Variants in ACSL6 observed in about 807,000 individuals in gnomAD.
ACSL6 encodes acyl-CoA synthetase long chain family member 6.
A neutral mutation model predicts 98.2 loss-of-function variants in ACSL6; 47 were observed. The observed-to-expected ratio is 0.48, with a 90% CI of 0.38 to 0.61. The LOEUF (loss-of-function observed/expected upper bound fraction) is 0.61. ACSL6 is among the 20% of genes least tolerant of loss of function. The pLI is 0.00. For synonymous variants in ACSL6, 362 were observed against 336.9 expected, an observed-to-expected ratio of 1.07 and a Z score of -0.82; for missense variants, 761 against 913.4, an observed-to-expected ratio of 0.83 and a Z score of 2.15.
rs1255303336 is a variant in ACSL6, at chr5:131,988,893, C to G, written c.564G>C (p.Val188=). The G allele has an allele frequency of 6.2e-7, 1 of 1,605,344 alleles. No individual in the cohort carries two copies. Among genetic ancestry groups the G allele is most frequent in the African/African-American group, 1.3e-5 (1 of 74,416 alleles). The change falls in exon 6 of 21, where the codon GTG becomes GTC. Residue 188 remains valine, a synonymous_variant. Transcript: ENST00000651883. The stretch of plus-strand genomic sequence containing the variant: ...TGGAATATGTGTAGCAGGCCAGCTC[C>G]ACAATGATCCACTGTGGAGACACAT... The part of the protein sequence containing the change: ...FAQNRPEWII[V]ELACYTYSMV...
intron 2 of ACSL6, among the ~76,000 whole-genome samples, chr5:131,991,361 C>T (rs1412633476): frequency 6.6e-6 from 1 of 152,166 alleles, no homozygotes; most frequent in Non-Finnish European, 1.5e-5. Context: ...AACAACCTGC[C>T]AAGGTATCTC....
intron 1 of ACSL6, chr5:132,003,812 G>C (rs1755226202): frequency 6.6e-6 from 1 of 152,202 alleles, no homozygotes; most frequent in Non-Finnish European, 1.5e-5. Flanking sequence ...AAAGCACTAC[G>C]TAAGTTCGGG....
chr5:131,985,583 G>A, intron 8 of ACSL6, 125 bp from the exon 9 acceptor site: 1 of 954,540 alleles, frequency 1.0e-6, no homozygotes, highest in South Asian at 1.4e-5. Flanking sequence ...GCATGTGTTG[G>A]GCACGCCTGC....
intron 7 of ACSL6, among the ~76,000 whole-genome samples, chr5:131,987,844 G>A (rs1314632351): frequency 6.6e-6 from 1 of 152,116 alleles, no homozygotes; most frequent in Non-Finnish European, 1.5e-5. Flanking sequence ...TCCAGCCACG[G>A]AGCCTATCTC....
intron 19 of ACSL6, chr5:131,959,873 C>G (rs1430357938): frequency 2.1e-6 from 1 of 487,470 alleles, no homozygotes; most frequent in Non-Finnish European, 3.7e-6. Context: ...TTTGGTCAGC[C>G]TGGTGAGTCT....
intron 13 of ACSL6, among the ~76,000 whole-genome samples, chr5:131,972,504 G>GC (rs1753366086): frequency 6.6e-6 from 1 of 152,076 alleles, no homozygotes; most frequent in Non-Finnish European, 1.5e-5. Flanking sequence ...ACTATCCATA[G>GC]TAGGTTTTCT....
chr5:131,965,054 G>C (rs879717701), intron 17 of ACSL6, among the ~76,000 whole-genome samples: 6 of 152,176 alleles, frequency 3.9e-5, no homozygotes, highest in Admixed American at 3.9e-4. Context: ...GCACTCACTG[G>C]AGATACATCT....
intron 11 of ACSL6, chr5:131,973,686 C>A (rs1753444822): frequency 3.5e-6 from 1 of 285,432 alleles, no homozygotes; most frequent in Admixed American, 4.6e-5. Flanking sequence ...GTGCCCCCCT[C>A]ACCTACTCCC....
chr5:131,986,200 G>A (rs971986907), intron 8 of ACSL6, among the ~76,000 whole-genome samples: 3 of 152,200 alleles, frequency 2.0e-5, no homozygotes, highest in Non-Finnish European at 4.4e-5. Flanking sequence ...GTAGGAGATG[G>A]GCAAACACCA....
At chr5:131,958,407 T>C (rs2149683822) in intron 20 of ACSL6, among the ~76,000 whole-genome samples, 1 of 152,322 alleles carries the variant, frequency 6.6e-6, no homozygotes, top group South Asian at 2.1e-4. Flanking sequence ...TGAAGTCAGT[T>C]CATATGCCAA....
chr5:131,984,871 A>G (rs370362425), intron 9 of ACSL6: 3 of 184,092 alleles, frequency 1.6e-5, no homozygotes, highest in South Asian at 2.5e-4. Context: ...CCTTTCACAC[A>G]CTGTCCCATC....
intron 1 of ACSL6, among the ~76,000 whole-genome samples, chr5:132,005,240 C>T (rs1755338539): frequency 6.6e-6 from 1 of 152,230 alleles, no homozygotes; most frequent in Non-Finnish European, 1.5e-5. Flanking sequence ...AGCACAGTCA[C>T]GATGAACACT....
intron 17 of ACSL6, among the ~76,000 whole-genome samples, chr5:131,965,859 G>T (rs1752986235): frequency 6.6e-6 from 1 of 152,226 alleles, no homozygotes; most frequent in African/African-American, 2.4e-5. Flanking sequence ...GGGGCCATGG[G>T]CAAGGAATGC....
At chr5:132,002,184 G>T (rs1755120928) in intron 1 of ACSL6, among the ~76,000 whole-genome samples, 2 of 152,208 alleles carry the variant, frequency 1.3e-5, no homozygotes. Context: ...CACAGGCACA[G>T]GGACACTCCC....
intron 15 of ACSL6, among the ~76,000 whole-genome samples, chr5:131,968,413 T>C (rs775034422): frequency 1.3e-5 from 2 of 152,124 alleles, no homozygotes; most frequent in African/African-American, 4.8e-5. Context: ...GGTTTGGGGA[T>C]CATAAAATAT....
chr5:132,011,674 C>A (rs984939439), upstream of ACSL6: 2 of 1,267,092 alleles, frequency 1.6e-6, no homozygotes, highest in Admixed American at 4.2e-5. The surrounding 1 kb of genome is among the most constrained non-coding windows in gnomAD (Gnocchi z 5.4). Context: ...GTATTTTTAG[C>A]CCCCGCCCTC....
rs1460607579 is a variant in ACSL6 at position 131,977,127 on chromosome 5, G to A, written c.917-406C>T. On this transcript the variant is annotated intron_variant, in intron 9 of 20. Coordinates refer to ENST00000651883, the MANE Select transcript of ACSL6 (RefSeq NM_001009185.3). ...GAGTGGGCCTGGTCTCCTGAGTCCA[G>A]CAGCCAACTCTGATGGCAAAGGACT... 2.0e-5 allele frequency among the ~76,000 whole-genome samples: 3 copies of A among 152,332 alleles called. No individual in the cohort carries two copies. In the East Asian group the frequency reaches 5.8e-4, roughly 29 times the overall value.
chr5:131,959,519 G>A lies in ACSL6; in HGVS notation c.2031+17C>T. On this transcript the variant is annotated intron_variant, in intron 20 of 20. Transcript: ENST00000651883. ...TGCCTGAAGGGTTGTAACGAGTATG[G>A]GGAAGGTAACAGTTACCTGCTCAAA... 6.2e-7 allele frequency: 1 copy of A among 1,612,804 alleles called. No individual in the cohort carries two copies. The highest frequency in any genetic ancestry group is 8.5e-7 in the Non-Finnish European group (1 of 1,178,880).
At chr5:131,976,483 T>G (rs1299846819) in intron 10 of ACSL6, among the ~76,000 whole-genome samples, 165 bp downstream of exon 10, 4 of 150,774 alleles carry the variant, frequency 2.7e-5, no homozygotes, top group African/African-American at 9.8e-5. Context: ...ATGGTAAAAG[T>G]GGGGTTGCTC....
Sources: allele counts gnomAD v4.1 joint callset (sites outside exome capture counted in the v4.1 genomes callset), GRCh38; gene constraint gnomAD v4.1.1; non-coding constraint Gnocchi (gnomAD v3.1); transcripts MANE v1.5; gene names NCBI Gene and HGNC (gene_info 2026-07-23, HGNC 2026-07-21).